Variants in SNX2 observed in about 807,000 individuals in gnomAD.
SNX2 encodes sorting nexin 2.
SNX2 carries 25 observed loss-of-function variants against 69.9 expected under a neutral mutation model. That is an observed-to-expected ratio of 0.36 (90% confidence interval 0.26 to 0.50). The LOEUF is 0.50. Among genes scored for constraint, SNX2 ranks in the 20% least tolerant of loss-of-function variants. SNX2 has a pLI of 0.97. For missense variants in SNX2, 551 were observed against 613.3 expected (o/e 0.90, Z 1.07); for synonymous variants, 229 against 200.4 (o/e 1.14, Z -1.20).
chr5:122,793,570 T>TA (rs1162970657), intron 1 of SNX2, among the ~76,000 whole-genome samples: 1 of 152,212 alleles, frequency 6.6e-6, no homozygotes, highest in Non-Finnish European at 1.5e-5. Flanking sequence ...ACACTTTTGA[T>TA]ATATACAGTT....
chr5:122,791,075 C>G (rs1378962356), intron 1 of SNX2, among the ~76,000 whole-genome samples: 1 of 151,342 alleles, frequency 6.6e-6, no homozygotes, highest in Non-Finnish European at 1.5e-5. Flanking sequence ...GATATTGGAG[C>G]CACTCTGCCA....
chr5:122,791,524 C>T (rs867834235), intron 1 of SNX2, among the ~76,000 whole-genome samples: 18 of 152,250 alleles, frequency 1.2e-4, no homozygotes, highest in Admixed American at 5.9e-4. Flanking sequence ...TCAAGTGGTA[C>T]GCCTGCCTTG....
chr5:122,797,143 G>C (rs1482858767), intron 2 of SNX2, among the ~76,000 whole-genome samples: 1 of 152,140 alleles, frequency 6.6e-6, no homozygotes, highest in African/African-American at 2.4e-5. Flanking sequence ...GCCCAGGCTG[G>C]TCTTGAACTC....
intron 1 of SNX2, among the ~76,000 whole-genome samples, chr5:122,783,884 G>C (rs1753026942): frequency 1.3e-5 from 2 of 150,374 alleles, no homozygotes; most frequent in Admixed American, 1.3e-4. Context: ...ACAATATTGA[G>C]CCTTCAAGCT....
chr5:122,791,282 C>T (rs936416051), intron 1 of SNX2, among the ~76,000 whole-genome samples: 3 of 151,942 alleles, frequency 2.0e-5, no homozygotes, highest in African/African-American at 7.3e-5. Context: ...CGCCACCATG[C>T]CCGGCTACTT....
rs1754177593 is a variant in SNX2, at chr5:122,827,473, T to C, written c.1437+14T>C. The C allele has an allele frequency of 5.0e-6, 8 of 1,611,582 alleles. No homozygotes were observed. The highest frequency in any genetic ancestry group is 5.9e-6 in the Non-Finnish European group (7 of 1,178,068). ...GGAAGATTTGAGGCATGTATAATAA[T>C]TTTGCATTTATCTTAACAACATGGT... On this transcript the variant is annotated intron_variant, in intron 13 of 14. Transcript: ENST00000379516.
chr5:122,823,122 G>T (rs76104944), intron 11 of SNX2, among the ~76,000 whole-genome samples: 4,489 of 152,218 alleles, frequency 0.029, 122 homozygotes, highest in East Asian at 0.041. Flanking sequence ...AATTAGCAGA[G>T]TAATGGAGGT....
chr5:122,792,080 T>C (rs755341956), intron 1 of SNX2, among the ~76,000 whole-genome samples: 1 of 152,208 alleles, frequency 6.6e-6, no homozygotes, highest in African/African-American at 2.4e-5. Flanking sequence ...CAAGTGAAAG[T>C]TGCTAAGTTA....
At chr5:122,816,831 G>A in intron 8 of SNX2, 84 bp from the exon 9 acceptor site, 3 of 576,940 alleles carry the variant, frequency 5.2e-6, no homozygotes, top group Non-Finnish European at 9.2e-6. Context: ...GGGGAGGGGG[G>A]AGGAGGGGGG....
At chr5:122,775,449 G>A (rs1752834690) in intron 1 of SNX2, 1 of 1,213,290 alleles carries the variant, frequency 8.2e-7, no homozygotes, top group Non-Finnish European at 1.0e-6. Context: ...AGAGGGGCCA[G>A]AACCGAACCG....
intron 1 of SNX2, among the ~76,000 whole-genome samples, chr5:122,789,470 CACGG>C (rs1753174617): frequency 1.5e-5 from 1 of 64,840 alleles, no homozygotes; most frequent in African/African-American, 8.5e-5. Flanking sequence ...CACAGACACA[CACGG>C]ACACACACAC....
intron 7 of SNX2, among the ~76,000 whole-genome samples, chr5:122,812,471 T>G (rs1753802147): frequency 6.6e-6 from 1 of 152,210 alleles, no homozygotes. Context: ...CTTGTTCAAG[T>G]TCGTATGTTC....
chr5:122,802,379 G>C (rs111304509), intron 5 of SNX2, among the ~76,000 whole-genome samples: 2 of 152,292 alleles, frequency 1.3e-5, no homozygotes, highest in African/African-American at 4.8e-5. Context: ...GGGGAGGAGG[G>C]GGGGAAGAAG....
At chr5:122,789,442 T>TACACACAC (rs34588472) in intron 1 of SNX2, among the ~76,000 whole-genome samples, 9 of 141,660 alleles carry the variant, frequency 6.4e-5, no homozygotes, top group African/African-American at 1.3e-4. Context: ...CACACACACA[T>TACACACAC]ACACACACAC....
chr5:122,833,598 T>G lies in SNX2; in HGVS notation c.*3950T>G, dbSNP rs1288715025. 6.6e-6 allele frequency: 1 copy of G among 152,242 alleles called. No homozygotes were observed. The highest frequency in any genetic ancestry group is 1.5e-5 in the Non-Finnish European group (1 of 68,030). 9.4% of individuals were successfully genotyped at this position (152,242 alleles called of 1,614,324 possible). A position where few individuals can be genotyped will look rare whatever the true frequency, so the allele number is the denominator to read the frequency against. ...TGATCAGTTGTCACATGTGGATGAC[T>G]AGTGGCTATGATAATGGACAGCATA... On this transcript the variant is annotated 3_prime_UTR_variant, in exon 15 of 15. Transcript: ENST00000379516.
At chr5:122,824,312 C>A (rs1194399433) in intron 11 of SNX2, among the ~76,000 whole-genome samples, 6 of 151,528 alleles carry the variant, frequency 4.0e-5, no homozygotes, top group East Asian at 3.9e-4. Context: ...CAAGACAATT[C>A]TTCTTCCATT....
chr5:122,809,675 G>A (rs577686183), intron 7 of SNX2, among the ~76,000 whole-genome samples: 21 of 152,090 alleles, frequency 1.4e-4, no homozygotes, highest in African/African-American at 4.8e-4. Context: ...GGTCTTGGGG[G>A]TGGTATCTAT....
intron 1 of SNX2, among the ~76,000 whole-genome samples, chr5:122,789,749 T>C (rs1243440827): frequency 6.6e-6 from 1 of 152,206 alleles, no homozygotes; most frequent in Non-Finnish European, 1.5e-5. Context: ...TCTATACCAT[T>C]GCACAGGTCT....
chr5:122,816,826 G>GC (rs375711631), intron 8 of SNX2, 89 bp from the exon 9 acceptor site: 26,796 of 505,018 alleles, frequency 0.053, 1,115 homozygotes, highest in East Asian at 0.1. Flanking sequence ...GTGGGGGGGA[G>GC]GGGGGAGGAG....
Sources: gnomAD v4.1 joint callset for allele counts (sites outside exome capture counted in the v4.1 genomes callset) on GRCh38, gnomAD v4.1.1 for gene constraint, MANE v1.5 for transcripts, NCBI Gene and HGNC (gene_info 2026-07-23, HGNC 2026-07-21) for gene names.